GLRA2: variants seen among roughly 807,000 people sequenced by gnomAD.
GLRA2 encodes the protein glycine receptor alpha 2.
A neutral mutation model predicts 31.6 loss-of-function variants in GLRA2; 11 were observed. The observed-to-expected ratio is 0.35, with a 90% CI of 0.22 to 0.58. The LOEUF (loss-of-function observed/expected upper bound fraction) is 0.58, where lower values mean the gene tolerates loss of function less well. Ranked by LOEUF, GLRA2 falls within the 20% of genes least tolerant of loss-of-function variation. The probability of loss-of-function intolerance (pLI) is 0.84; values close to 1 mark genes in which losing one functional copy is unlikely to be tolerated. For synonymous variants in GLRA2, 132 were observed against 134.0 expected, an observed-to-expected ratio of 0.99 and a Z score of 0.10; for missense variants, 212 against 351.8, an observed-to-expected ratio of 0.60 and a Z score of 3.18.
rs188156295 is a variant in GLRA2, at chrX:14,638,130, C to T, written c.930+28925C>T. On this transcript the variant is annotated intron_variant, in intron 7 of 8. Coordinates refer to ENST00000218075, the MANE Select transcript of GLRA2 (RefSeq NM_002063.4). Reference sequence around the variant, plus strand: ...AGGGTTATTGAAATGGCATTGTTAGCATGTAGGTAAAAGGGTAACAAAACA... The same window carrying T: ...AGGGTTATTGAAATGGCATTGTTAGTATGTAGGTAAAAGGGTAACAAAACA... Among the ~76,000 whole-genome samples, 9 of 111,095 alleles carry T rather than the reference C, an allele frequency of 8.1e-5. No individual in the cohort carries two copies. The East Asian group carries it at 2.6e-3, about 32-fold the overall frequency.
the GLRA2 span, among the ~76,000 whole-genome samples, chrX:14,493,862 A>G: frequency 1.9e-5 from 2 of 107,355 alleles, no homozygotes; most frequent in Non-Finnish European, 3.8e-5. Flanking sequence ...AATGCATATA[A>G]TTATTCACTA....
chrX:14,610,250 T>C (rs1467496509), intron 7 of GLRA2, among the ~76,000 whole-genome samples: 1 of 112,203 alleles, frequency 8.9e-6, no homozygotes. Flanking sequence ...TGAGAAATGT[T>C]AGATCATGTT....
At chrX:14,685,151 T>A (rs2091261341) in intron 7 of GLRA2, among the ~76,000 whole-genome samples, 1 of 111,955 alleles carries the variant, frequency 8.9e-6, no homozygotes, top group Non-Finnish European at 1.9e-5. Context: ...CAGCCTTGCA[T>A]CCCAGGGATG....
At chrX:14,485,324 GT>G in the GLRA2 span, among the ~76,000 whole-genome samples, 1 of 112,362 alleles carries the variant, frequency 8.9e-6, no homozygotes, top group Non-Finnish European at 1.9e-5. Context: ...CATATAATAT[GT>G]TCCCAACCTG....
the GLRA2 span, among the ~76,000 whole-genome samples, chrX:14,467,946 T>C: frequency 2.7e-5 from 3 of 111,709 alleles, no homozygotes; most frequent in Admixed American, 2.9e-4. Context: ...ATTTTGCTTC[T>C]TAAGTGGGTC....
intron 1 of GLRA2, chrX:14,531,235 T>C (rs2089251388): frequency 1.6e-6 from 1 of 639,308 alleles, no homozygotes; most frequent in Non-Finnish European, 2.2e-6. Context: ...ATTTATATCA[T>C]CTTTGCACTT....
chrX:14,696,095 A>G (rs1051955016), intron 8 of GLRA2, among the ~76,000 whole-genome samples: 10 of 109,224 alleles, frequency 9.2e-5, no homozygotes, highest in African/African-American at 3.0e-4. Flanking sequence ...GAAGACAAAG[A>G]GAAGACAATA....
At chrX:14,486,517 AT>A in the GLRA2 span, among the ~76,000 whole-genome samples, 4 of 111,962 alleles carry the variant, frequency 3.6e-5, no homozygotes, top group Non-Finnish European at 7.5e-5. Context: ...ATATATAAAA[AT>A]ATCCCATAAA....
intron 7 of GLRA2, among the ~76,000 whole-genome samples, chrX:14,681,878 C>A (rs1287787076): frequency 2.7e-4 from 10 of 36,403 alleles, no homozygotes; most frequent in Non-Finnish European, 4.8e-4. Context: ...GGCAACAGTG[C>A]GAGACACCAT....
At chrX:14,457,832 C>T in the GLRA2 span, among the ~76,000 whole-genome samples, 4 of 110,850 alleles carry the variant, frequency 3.6e-5, no homozygotes, top group African/African-American at 1.3e-4. Flanking sequence ...TAAAAGTGTT[C>T]CTATTTTTCC....
At chrX:14,532,587 C>T (rs1392717505) in intron 2 of GLRA2, among the ~76,000 whole-genome samples, 1 of 111,771 alleles carries the variant, frequency 8.9e-6, no homozygotes, top group Non-Finnish European at 1.9e-5. Context: ...TGTTCTATTT[C>T]ACAAATAAAA....
chrX:14,589,740 G>GTA (rs1193092990), intron 4 of GLRA2, among the ~76,000 whole-genome samples: 11 of 106,807 alleles, frequency 1.0e-4, no homozygotes, highest in Non-Finnish European at 1.5e-4. Flanking sequence ...ATATATATGT[G>GTA]TATATATATG....
At chrX:14,478,096 G>C in the GLRA2 span, among the ~76,000 whole-genome samples, 1 of 110,971 alleles carries the variant, frequency 9.0e-6, no homozygotes, top group Non-Finnish European at 1.9e-5. Context: ...CCAGAAGAGA[G>C]ATACAGAAAC....
intron 7 of GLRA2, among the ~76,000 whole-genome samples, chrX:14,632,253 A>G (rs1298964525): frequency 9.0e-6 from 1 of 110,603 alleles, no homozygotes; most frequent in African/African-American, 3.3e-5. Context: ...TTGATTCAGG[A>G]TGGAGGGTAA....
intron 7 of GLRA2, among the ~76,000 whole-genome samples, chrX:14,665,259 C>A (rs1317422361): frequency 8.9e-6 from 1 of 111,755 alleles, no homozygotes; most frequent in African/African-American, 3.3e-5. Flanking sequence ...CAAATGGGAG[C>A]CTGCTAATCT....
intron 2 of GLRA2, among the ~76,000 whole-genome samples, chrX:14,567,293 A>G (rs914579385): frequency 8.9e-6 from 1 of 112,383 alleles, no homozygotes; most frequent in African/African-American, 3.2e-5. Flanking sequence ...ATGGTTCAAT[A>G]TAAGGAAACA....
At chrX:14,555,585 T>G (rs1020406101) in intron 2 of GLRA2, among the ~76,000 whole-genome samples, 30 of 111,968 alleles carry the variant, frequency 2.7e-4, no homozygotes, top group Admixed American at 1.1e-3. Context: ...CATGTAGCAG[T>G]GTTTCTCATT....
At chrX:14,572,414 A>G (rs769761308) in intron 2 of GLRA2, among the ~76,000 whole-genome samples, 1 of 112,402 alleles carries the variant, frequency 8.9e-6, no homozygotes, top group African/African-American at 3.2e-5. Context: ...GAAATATTTC[A>G]TTGTGGAGAG....
chrX:14,529,016 T>C (rs2089217520), upstream of GLRA2, among the ~76,000 whole-genome samples: 1 of 111,302 alleles, frequency 9.0e-6, no homozygotes, highest in Non-Finnish European at 1.9e-5. Context: ...GACTTCTAAA[T>C]TAAATTATCG....
Sources: allele counts gnomAD v4.1 joint callset (sites outside exome capture counted in the v4.1 genomes callset), GRCh38; gene constraint gnomAD v4.1.1; transcripts MANE v1.5; gene names NCBI Gene and HGNC (gene_info 2026-07-23, HGNC 2026-07-21).